The following ERI3 variants were observed in gnomAD, a reference collection of about 807,000 sequenced individuals.
ERI3 encodes the protein ERI1 exoribonuclease 3.
A neutral mutation model predicts 44.4 loss-of-function variants in ERI3; 18 were observed. The observed-to-expected ratio is 0.41, with a 90% CI of 0.28 to 0.60. ERI3 has a LOEUF of 0.60. Ranked by LOEUF, ERI3 falls within the 20% of genes least tolerant of loss-of-function variation. The pLI, the probability that ERI3 is intolerant of heterozygous loss-of-function variation, is 0.36. For synonymous variants in ERI3, 183 were observed against 164.8 expected (o/e 1.11, Z -0.84); for missense variants, 294 against 435.5 (o/e 0.68, Z 2.89).
At chr1:44,341,353 C>T (rs1378531049) in intron 2 of ERI3, among the ~76,000 whole-genome samples, 2 of 152,224 alleles carry the variant, frequency 1.3e-5, no homozygotes, top group Admixed American at 1.3e-4. Context: ...TATATATTAT[C>T]CTAATGTTAT....
intron 8 of ERI3, among the ~76,000 whole-genome samples, chr1:44,239,222 A>ATG (rs1644379092): frequency 6.6e-6 from 1 of 152,102 alleles, no homozygotes; most frequent in African/African-American, 2.4e-5. Context: ...GTAGGTGCTT[A>ATG]TGTGCAAGAC....
chr1:44,327,909 G>A (rs1001600317), intron 3 of ERI3, among the ~76,000 whole-genome samples: 2 of 152,200 alleles, frequency 1.3e-5, no homozygotes, highest in Admixed American at 6.5e-5. Flanking sequence ...AAGAAATGGC[G>A]GTGAGTAACA....
chr1:44,246,641 C>T (rs1408113122), intron 8 of ERI3, among the ~76,000 whole-genome samples: 1 of 152,222 alleles, frequency 6.6e-6, no homozygotes, highest in East Asian at 1.9e-4. Context: ...GTAGAAGCTA[C>T]TTGGCAACTG....
chr1:44,264,181 G>A (rs1644945059), intron 7 of ERI3, among the ~76,000 whole-genome samples: 1 of 152,228 alleles, frequency 6.6e-6, no homozygotes, highest in Admixed American at 6.5e-5. Flanking sequence ...AATCTTGCAT[G>A]AGCAGGGCCA....
At position 44,241,997 on chromosome 1, in the gene ERI3, TC is replaced by T; in HGVS notation, c.931+5941del. The T allele has an allele frequency of 9.1e-6, 9 of 985,696 alleles. No homozygotes were observed. Among genetic ancestry groups the T allele is most frequent in the Non-Finnish European group, 1.1e-5 (9 of 830,094 alleles). 61.1% of individuals were successfully genotyped at this position (985,696 alleles called of 1,614,324 possible). On this transcript the variant is annotated intron_variant, in intron 8 of 8. Transcript: ENST00000372257. This position sits in a 1 kb window ranked among gnomAD's most constrained non-coding sequence, Gnocchi z 5.6. ...GGCAAGAACCAATTCCTCAGATGTC[TC>T]TGGGGCTCCAAGGGGGTCAGCTCAG...
chr1:44,272,320 A>G (rs1645102983), intron 7 of ERI3, among the ~76,000 whole-genome samples: 1 of 152,176 alleles, frequency 6.6e-6, no homozygotes, highest in Non-Finnish European at 1.5e-5. Flanking sequence ...AGGTTCAGAG[A>G]GGGACTTGCT....
intron 7 of ERI3, among the ~76,000 whole-genome samples, chr1:44,283,762 AT>A (rs1645335583): frequency 6.6e-6 from 1 of 152,206 alleles, no homozygotes; most frequent in African/African-American, 2.4e-5. Context: ...TGTGGCACAA[AT>A]ACTTATAAAG....
intron 2 of ERI3, among the ~76,000 whole-genome samples, chr1:44,347,495 GCTCC>G (rs1473432534): frequency 6.6e-6 from 1 of 152,120 alleles, no homozygotes; most frequent in Non-Finnish European, 1.5e-5. Flanking sequence ...GGCAAACGCT[GCTCC>G]CTATTTTGGA....
At chr1:44,233,881 C>T (rs548534389) in intron 8 of ERI3, among the ~76,000 whole-genome samples, 5 of 152,198 alleles carry the variant, frequency 3.3e-5, no homozygotes, top group Non-Finnish European at 7.3e-5. Context: ...TCCCACCTTG[C>T]GATCTGATCA....
At chr1:44,257,338 C>G (rs1038372708) in intron 7 of ERI3, among the ~76,000 whole-genome samples, 23 of 151,940 alleles carry the variant, frequency 1.5e-4, no homozygotes, top group African/African-American at 5.6e-4. Flanking sequence ...ATCCTAGCTC[C>G]CCCAGATCAG....
chr1:44,335,998 T>C (rs945963116), intron 3 of ERI3, among the ~76,000 whole-genome samples: 5 of 152,214 alleles, frequency 3.3e-5, no homozygotes, highest in African/African-American at 1.2e-4. Context: ...CAAGTTGTTA[T>C]CGTACTCCTT....
At chr1:44,289,103 G>C (rs1645452898) in intron 6 of ERI3, among the ~76,000 whole-genome samples, 1 of 152,198 alleles carries the variant, frequency 6.6e-6, no homozygotes, top group Non-Finnish European at 1.5e-5. Context: ...CCACAGGTGT[G>C]ATTTCCCCTT....
chr1:44,224,370 C>T lies in ERI3; in HGVS notation c.932-2730G>A, dbSNP rs1209805619. On this transcript the variant is annotated intron_variant, in intron 8 of 8. Transcript: ENST00000372257. ...TCTCTGCCATGCTCAACCCTCAATC[C>T]CTGGACTCCAATCTCAAGGACCCAC... is the stretch of plus-strand genomic sequence containing the variant. 2.0e-5 allele frequency among the ~76,000 whole-genome samples: 3 copies of T among 152,200 alleles called. No individual in the cohort carries two copies. In the East Asian group the frequency reaches 5.8e-4, roughly 29 times the overall value.
intron 8 of ERI3, among the ~76,000 whole-genome samples, chr1:44,227,842 T>C (rs1397730400): frequency 2.0e-5 from 3 of 152,140 alleles, no homozygotes; most frequent in Non-Finnish European, 4.4e-5. Flanking sequence ...TTTATTTAAC[T>C]TATCTTTGTT....
At chr1:44,346,120 C>T (rs151140182) in intron 2 of ERI3, among the ~76,000 whole-genome samples, 26 of 152,308 alleles carry the variant, frequency 1.7e-4, no homozygotes, top group African/African-American at 4.8e-4. Context: ...TGAGTCCTCA[C>T]CTCAACAAAA....
intron 8 of ERI3, among the ~76,000 whole-genome samples, chr1:44,233,401 C>T (rs72686064): frequency 3.3e-5 from 5 of 151,552 alleles, no homozygotes; most frequent in East Asian, 1.9e-4. Flanking sequence ...CCTGATGTCA[C>T]GTTCTTTTTT....
At chr1:44,346,812 A>G (rs1380687682) in intron 2 of ERI3, among the ~76,000 whole-genome samples, 1 of 152,166 alleles carries the variant, frequency 6.6e-6, no homozygotes, top group Non-Finnish European at 1.5e-5. Context: ...AGCTATAATA[A>G]TAATAATACC....
chr1:44,317,425 T>C (rs966499438), intron 4 of ERI3, among the ~76,000 whole-genome samples: 1 of 152,052 alleles, frequency 6.6e-6, no homozygotes, highest in African/African-American at 2.4e-5. Flanking sequence ...ATATATATGA[T>C]CTGAGGTTTT....
At chr1:44,292,627 G>A (rs1444394301) in intron 6 of ERI3, among the ~76,000 whole-genome samples, 1 of 152,208 alleles carries the variant, frequency 6.6e-6, no homozygotes, top group Non-Finnish European at 1.5e-5. Flanking sequence ...CAATTCCCCA[G>A]GCTCAAGCAA....
Sources: allele counts gnomAD v4.1 joint callset (sites outside exome capture counted in the v4.1 genomes callset), GRCh38; gene constraint gnomAD v4.1.1; non-coding constraint Gnocchi (gnomAD v3.1); transcripts MANE v1.5; gene names NCBI Gene and HGNC (gene_info 2026-07-23, HGNC 2026-07-21).